SMIM7: variants seen among roughly 807,000 people sequenced by gnomAD.
The protein encoded by SMIM7 is small integral membrane protein 7, also known as UPF0608 protein C19orf42.
Under a neutral mutation model 13.3 loss-of-function variants are expected in SMIM7, and 12 were observed. That is an observed-to-expected ratio of 0.90 (90% CI 0.58 to 1.46). The LOEUF is 1.46. Among genes scored for constraint, SMIM7 ranks in the 40% most tolerant of loss-of-function variants. The pLI, the probability that SMIM7 is intolerant of heterozygous loss-of-function variation, is 0.00. For synonymous variants in SMIM7, 36 were observed against 35.8 expected, an observed-to-expected ratio of 1.01 and a Z score of -0.02; for missense variants, 114 against 94.8, an observed-to-expected ratio of 1.20 and a Z score of -0.84.
At chr19:16,659,528 A>G in intron 2 of SMIM7, 81 bp from the exon 3 acceptor site, 1 of 1,427,234 alleles carries the variant, frequency 7.0e-7, no homozygotes, top group Non-Finnish European at 9.7e-7. Flanking sequence ...AGAAGGCCAC[A>G]AACACTAAGT....
chr19:16,659,669 G>T, intron 2 of SMIM7: 1 of 654,434 alleles, frequency 1.5e-6, no homozygotes, highest in Non-Finnish European at 2.6e-6. Flanking sequence ...GCCCGACAGT[G>T]CGGGTGCAGG....
chr19:16,633,864 T>C (rs1401435775), intron 4 of SMIM7: 1 of 152,108 alleles, frequency 6.6e-6, no homozygotes, highest in Non-Finnish European at 1.5e-5. Context: ...ATAGAAAAAA[T>C]ATTGGAAGGA....
chr19:16,651,678 C>A (rs1478903017), intron 4 of SMIM7, among the ~76,000 whole-genome samples: 5 of 152,030 alleles, frequency 3.3e-5, no homozygotes, highest in African/African-American at 1.2e-4. Context: ...CTTCCCTGCC[C>A]CAGGACCTTT....
intron 4 of SMIM7, among the ~76,000 whole-genome samples, chr19:16,653,126 G>C (rs1311840190): frequency 9.2e-5 from 14 of 152,230 alleles, no homozygotes; most frequent in Non-Finnish European, 1.5e-5. Context: ...CAGGGCCATG[G>C]GCTCAGGGAC....
At chr19:16,650,207 C>A (rs944564159) in intron 4 of SMIM7, among the ~76,000 whole-genome samples, 1 of 152,150 alleles carries the variant, frequency 6.6e-6, no homozygotes, top group Admixed American at 6.6e-5. Flanking sequence ...TGTGTTGAAA[C>A]ACACTGCCAC....
chr19:16,654,272 C>T, intron 3 of SMIM7, 147 bp from the exon 4 acceptor site: 1 of 659,188 alleles, frequency 1.5e-6, no homozygotes, highest in Non-Finnish European at 2.7e-6. Context: ...TGGTTTCTCC[C>T]TCTTCCCTAC....
At chr19:16,644,963 T>G (rs1289583435), downstream of SMIM7, 2 of 152,188 alleles carry the variant, frequency 1.3e-5, no homozygotes, top group Non-Finnish European at 2.9e-5. Flanking sequence ...AGAAAGCAAT[T>G]AGCCAAGGTC....
At chr19:16,637,740 C>T (rs1230745272) in intron 4 of SMIM7, among the ~76,000 whole-genome samples, 1 of 152,154 alleles carries the variant, frequency 6.6e-6, no homozygotes, top group East Asian at 1.9e-4. Context: ...TGTGTTTGTT[C>T]TTTAATGCCT....
At chr19:16,635,883 CA>C (rs1207972448) in intron 4 of SMIM7, among the ~76,000 whole-genome samples, 114 of 80,512 alleles carry the variant, frequency 1.4e-3, no homozygotes, top group Middle Eastern at 6.9e-3. Flanking sequence ...GACCCTGTCT[CA>C]AAAAAAAAAA....
At position 16,660,117 on chromosome 19, in the gene SMIM7, G is replaced by A. The variant is rs201191626; in HGVS notation, c.-7C>T. On this transcript the variant is annotated 5_prime_UTR_variant, in exon 1 of 5. Coordinates refer to ENST00000487416, the MANE Select transcript of SMIM7 (RefSeq NM_024104.4). The stretch of plus-strand genomic sequence containing the variant: ...GCAGGATGTCTCCGATCATCGTTAC[G>A]GCCGAAGCGTCCGTCAGAACCGGAA... 55 of 1,614,132 alleles carry A rather than the reference G, an allele frequency of 3.4e-5. No individual in the cohort carries two copies. Among genetic ancestry groups the A allele is most frequent in the Admixed American group, 2.7e-4 (16 of 60,022 alleles).
intron 3 of SMIM7, chr19:16,655,416 C>G (rs749231888): frequency 4.6e-5 from 21 of 455,464 alleles, no homozygotes; most frequent in South Asian, 2.9e-4. Context: ...CATGGTGGCT[C>G]ACACTTGTAA....
chr19:16,652,534 C>T (rs2086541025), intron 4 of SMIM7: 4 of 1,085,860 alleles, frequency 3.7e-6, no homozygotes, highest in Non-Finnish European at 4.5e-6. Context: ...TCCTTGATCT[C>T]CTCACAAGCC....
At position 16,646,668 on chromosome 19, in the gene SMIM7, C is replaced by T. The variant is rs1451732148; in HGVS notation, c.*578G>A. ...CCACATGTCTTCTGTGGAAACACTT[C>T]ACCAGGAACTAGCTCAACACTCTTG... On this transcript the variant is annotated 3_prime_UTR_variant, in exon 5 of 5. Coordinates refer to ENST00000487416, the MANE Select transcript of SMIM7 (RefSeq NM_024104.4). 1.3e-5 allele frequency: 2 copies of T among 156,880 alleles called. No homozygotes were observed. The highest frequency in any genetic ancestry group is 4.8e-5 in the African/African-American group (2 of 41,536). 9.7% of individuals were successfully genotyped at this position (156,880 alleles called of 1,614,324 possible).
intron 3 of SMIM7, 103 bp downstream of exon 3, chr19:16,659,282 CAAAAAAAAAA>C (rs752864646): frequency 2.5e-5 from 14 of 550,568 alleles, no homozygotes; most frequent in Middle Eastern, 4.4e-4. Context: ...GACCTTGTGT[CAAAAAAAAAA>C]AAAAAAAAAA....
rs147358926 is a variant in SMIM7, at chr19:16,637,442, G to A, written c.*138-5718C>T. ...ATCGCTTGAGCCTGGGGGAGGTTGAGGCTACATTGAGCCATGATCGCCTCA... is the reference window on the plus strand; with the variant it reads ...ATCGCTTGAGCCTGGGGGAGGTTGAAGCTACATTGAGCCATGATCGCCTCA... On this transcript the variant is annotated intron_variant and NMD_transcript_variant, in intron 4 of 4. Coordinates refer to the SMIM7 transcript ENST00000465250. 2.0e-4 allele frequency among the ~76,000 whole-genome samples: 30 copies of A among 152,304 alleles called. No homozygotes were observed. The East Asian group carries it at 5.8e-3, about 29-fold the overall frequency.
chr19:16,659,267 A>T, intron 3 of SMIM7, 128 bp downstream of exon 3: 1 of 879,770 alleles, frequency 1.1e-6, no homozygotes, highest in Non-Finnish European at 1.7e-6. Context: ...TGGACAACAG[A>T]GCAAGACCTT....
At chr19:16,652,858 T>C (rs1230605690) in intron 4 of SMIM7, 1 of 1,550,500 alleles carries the variant, frequency 6.4e-7, no homozygotes. Flanking sequence ...CGTCGTGTCT[T>C]TTCCTAAATC....
chr19:16,644,194 C>T (rs947458194), downstream of SMIM7, among the ~76,000 whole-genome samples: 17 of 143,140 alleles, frequency 1.2e-4, no homozygotes, highest in African/African-American at 3.7e-4. Context: ...GATCTCGGCT[C>T]GCTGCAACCT....
At chr19:16,659,529 A>C in intron 2 of SMIM7, 82 bp from the exon 3 acceptor site, 1 of 1,419,164 alleles carries the variant, frequency 7.0e-7, no homozygotes, top group Non-Finnish European at 9.8e-7. Context: ...GAAGGCCACA[A>C]ACACTAAGTT....
Sources: gnomAD v4.1 joint callset for allele counts (sites outside exome capture counted in the v4.1 genomes callset) on GRCh38, gnomAD v4.1.1 for gene constraint, MANE v1.5 for transcripts, NCBI Gene and HGNC (gene_info 2026-07-23, HGNC 2026-07-21) for gene names.